CYFIP2: variants seen among roughly 807,000 people sequenced by gnomAD.
The protein encoded by CYFIP2 is cytoplasmic FMR1 interacting protein 2.
In CYFIP2, 29 loss-of-function variants were observed where a neutral mutation model predicts 158.7. That is an observed-to-expected ratio of 0.18 (90% CI 0.14 to 0.25). The LOEUF (loss-of-function observed/expected upper bound fraction) is 0.25, where lower values mean the gene tolerates loss of function less well. Ranked by LOEUF, CYFIP2 falls within the 10% of genes least tolerant of loss-of-function variation. The pLI is 1.00. For missense variants in CYFIP2, 852 were observed against 1,639.5 expected (o/e 0.52, Z 8.29); for synonymous variants, 585 against 617.6 (o/e 0.95, Z 0.78).
chr5:157,376,565 C>T (rs956872525), intron 26 of CYFIP2: 2 of 156,682 alleles, frequency 1.3e-5, no homozygotes, highest in African/African-American at 2.4e-5. Context: ...TTCCCTATTT[C>T]TGACTTGAAA....
intron 1 of CYFIP2, among the ~76,000 whole-genome samples, chr5:157,281,855 G>A (rs1469943652): frequency 6.6e-6 from 1 of 152,160 alleles, no homozygotes; most frequent in East Asian, 1.9e-4. Context: ...ATTTTTAAAA[G>A]CATATGGCTT....
intron 16 of CYFIP2, chr5:157,324,736 T>G (rs937289407): frequency 2.0e-5 from 3 of 150,002 alleles, no homozygotes; most frequent in Admixed American, 2.0e-4. Context: ...ACACTGTGTT[T>G]GTATAATGAA....
intron 26 of CYFIP2, among the ~76,000 whole-genome samples, chr5:157,378,100 T>C (rs1053282217): frequency 6.6e-6 from 1 of 152,152 alleles, no homozygotes; most frequent in Non-Finnish European, 1.5e-5. Flanking sequence ...TAGAAAACTT[T>C]GGGTGGGGGT....
rs1233781406 is a variant in CYFIP2, at chr5:157,394,512, C to A, written c.*1512C>A. ...GGAAAGGGGGCCACATATGAAAGGC[C>A]CCTTAGGTCAGATCCTGAGAGTAGC... On this transcript the variant is annotated 3_prime_UTR_variant, in exon 31 of 31. Coordinates refer to ENST00000620254, the MANE Select transcript of CYFIP2 (RefSeq NM_001037333.3). 1 of 152,112 alleles carries A rather than the reference C, an allele frequency of 6.6e-6. No homozygotes were observed. Among genetic ancestry groups the A allele is most frequent in the Non-Finnish European group, 1.5e-5 (1 of 68,026 alleles). 9.4% of individuals were successfully genotyped at this position (152,112 alleles called of 1,614,324 possible).
intron 23 of CYFIP2, chr5:157,345,773 C>G (rs1035711651): frequency 5.2e-5 from 8 of 152,552 alleles, no homozygotes; most frequent in Non-Finnish European, 8.8e-5. Flanking sequence ...AGGGACCAGC[C>G]TGGAAAGGCT....
At chr5:157,385,330 A>G (rs1294255503) in intron 28 of CYFIP2, among the ~76,000 whole-genome samples, 1 of 152,242 alleles carries the variant, frequency 6.6e-6, no homozygotes, top group Non-Finnish European at 1.5e-5. Context: ...TGCTAGTTTT[A>G]TAAGTCTCCC....
chr5:157,320,880 T>C (rs1189071902), intron 15 of CYFIP2, 78 bp downstream of exon 15: 3 of 1,437,334 alleles, frequency 2.1e-6, no homozygotes, highest in Middle Eastern at 2.2e-4. Flanking sequence ...TGGCTGGCCA[T>C]GGGCAGTGGG....
chr5:157,376,581 C>T (rs1195341583), intron 26 of CYFIP2: 1 of 157,682 alleles, frequency 6.3e-6, no homozygotes, highest in Non-Finnish European at 1.4e-5. Context: ...TGAAAGGTGT[C>T]TTTTTATCCC....
At chr5:157,292,966 A>T (rs953980637) in intron 3 of CYFIP2, among the ~76,000 whole-genome samples, 1 of 152,180 alleles carries the variant, frequency 6.6e-6, no homozygotes, top group East Asian at 1.9e-4. Context: ...GATTTACAAT[A>T]GACTAAAGGG....
intron 26 of CYFIP2, among the ~76,000 whole-genome samples, chr5:157,367,872 A>C (rs530388217): frequency 6.6e-6 from 1 of 150,548 alleles, no homozygotes; most frequent in Non-Finnish European, 1.5e-5. Flanking sequence ...CTCCTGCCTC[A>C]GCCTCCTAAG....
chr5:157,273,282 A>C (rs537221062), intron 1 of CYFIP2, among the ~76,000 whole-genome samples: 1 of 152,294 alleles, frequency 6.6e-6, no homozygotes, highest in East Asian at 1.9e-4. Context: ...GTGACCTTGC[A>C]CAAGTCCCTT....
At chr5:157,298,107 C>G (rs1758402541) in intron 5 of CYFIP2, among the ~76,000 whole-genome samples, 1 of 152,168 alleles carries the variant, frequency 6.6e-6, no homozygotes. Flanking sequence ...CCTCCCCCTT[C>G]CTTCCCTGCT....
chr5:157,311,093 G>A lies in CYFIP2; in HGVS notation c.993-571G>A, dbSNP rs1177612257. On this transcript the variant is annotated intron_variant, in intron 10 of 30. Coordinates refer to ENST00000620254, the MANE Select transcript of CYFIP2 (RefSeq NM_001037333.3). This position sits in a 1 kb window ranked among gnomAD's most constrained non-coding sequence, Gnocchi z 4.7. Reference sequence around the variant, plus strand: ...TGGAAAGAGAAGGAGAGAAGGGGGCGAGAGGTAGAGGGGGTGGGTGGAGGG... The same window carrying A: ...TGGAAAGAGAAGGAGAGAAGGGGGCAAGAGGTAGAGGGGGTGGGTGGAGGG... 1.4e-5 allele frequency: 6 copies of A among 439,870 alleles called. No individual in the cohort carries two copies. The highest frequency in any genetic ancestry group is 1.1e-4 in the African/African-American group (5 of 47,414). 27.2% of individuals were successfully genotyped at this position (439,870 alleles called of 1,614,324 possible).
intron 14 of CYFIP2, 56 bp downstream of exon 14, chr5:157,319,984 T>G (rs1014988875): frequency 6.3e-7 from 1 of 1,583,036 alleles, no homozygotes; most frequent in Non-Finnish European, 8.6e-7. Context: ...CAGGTACCCA[T>G]CAGAGAGGAT....
chr5:157,319,812 C>A lies in CYFIP2; in HGVS notation c.1407C>A (p.Ser469Arg). 6.2e-7 allele frequency: 1 copy of A among 1,614,100 alleles called. No individual in the cohort carries two copies. The highest frequency in any genetic ancestry group is 8.5e-7 in the Non-Finnish European group (1 of 1,179,940). ...AGGTGCTCATGGGCAGGATGGAGAG[C>A]GTCTTCAACCAGGCCATCAGGAACA... Reference protein sequence around the residue: ...GLQVLMGRMESVFNQAIRNTI... With the variant: ...GLQVLMGRMERVFNQAIRNTI... Residue 469 changes from serine (S) to arginine (R), a missense_variant, in exon 14 of 31, where the codon AGC becomes AGA. By Grantham distance (110) the Ser-to-Arg change is moderately radical (BLOSUM62 -1). Coordinates refer to ENST00000620254, the MANE Select transcript of CYFIP2 (RefSeq NM_001037333.3).
intron 4 of CYFIP2, 128 bp from the exon 5 acceptor site, chr5:157,296,545 G>A: frequency 1.1e-5 from 9 of 830,192 alleles, no homozygotes; most frequent in Non-Finnish European, 1.8e-5. Context: ...AGTGAGCCAT[G>A]ATCATGCCAC....
chr5:157,313,735 A>C (rs1759922466), intron 11 of CYFIP2, among the ~76,000 whole-genome samples: 1 of 152,254 alleles, frequency 6.6e-6, no homozygotes, highest in Non-Finnish European at 1.5e-5. Context: ...ACATATATAC[A>C]CACAGTATGT....
chr5:157,272,609 G>A (rs748165074), intron 1 of CYFIP2, among the ~76,000 whole-genome samples: 6 of 152,112 alleles, frequency 3.9e-5, no homozygotes, highest in Admixed American at 1.3e-4. Flanking sequence ...TATCTATTCT[G>A]CACGTTGTCT....
intron 10 of CYFIP2, 98 bp downstream of exon 10, chr5:157,309,932 C>T (rs1759567781): frequency 8.7e-7 from 1 of 1,155,904 alleles, no homozygotes; most frequent in South Asian, 1.3e-5. Flanking sequence ...TCCCCAGATC[C>T]CTGGGCAGGT....
Sources: gnomAD v4.1 joint callset for allele counts (sites outside exome capture counted in the v4.1 genomes callset) on GRCh38, gnomAD v4.1.1 for gene constraint, Gnocchi (gnomAD v3.1) non-coding constraint, MANE v1.5 for transcripts, NCBI Gene and HGNC (gene_info 2026-07-23, HGNC 2026-07-21) for gene names.